MAP3K21: variants seen among roughly 807,000 people sequenced by gnomAD.
MAP3K21 encodes the protein mitogen-activated protein kinase kinase kinase MLK4.
MAP3K21 carries 63 observed loss-of-function variants against 86.1 expected under a neutral mutation model. The observed-to-expected ratio is 0.73, with a 90% confidence interval of 0.60 to 0.90. The LOEUF (loss-of-function observed/expected upper bound fraction) is 0.90, where lower values mean the gene tolerates loss of function less well. MAP3K21 is among the 40% of genes least tolerant of loss of function. MAP3K21 has a pLI of 0.00. For missense variants in MAP3K21, 1,220 were observed against 1,367.7 expected, an observed-to-expected ratio of 0.89 and a Z score of 1.70; for synonymous variants, 558 against 564.8, an observed-to-expected ratio of 0.99 and a Z score of 0.17.
intron 5 of MAP3K21, among the ~76,000 whole-genome samples, chr1:233,366,328 A>G (rs1372522388): frequency 6.6e-6 from 1 of 152,196 alleles, no homozygotes. Context: ...TATTTTCAAA[A>G]AGCCAGAAGA....
intron 1 of MAP3K21, among the ~76,000 whole-genome samples, chr1:233,343,678 G>A (rs1433674268): frequency 3.3e-5 from 5 of 152,194 alleles, no homozygotes; most frequent in Admixed American, 2.6e-4. Flanking sequence ...GACTGCTTGA[G>A]CTTCACTGCT....
chr1:233,346,660 T>A lies in MAP3K21; in HGVS notation c.986+38T>A, dbSNP rs375516035. 4.9e-5 allele frequency: 77 copies of A among 1,567,020 alleles called. No individual in the cohort carries two copies. The African/African-American group carries it at 9.8e-4, about 20-fold the overall frequency. On this transcript the variant is annotated intron_variant, in intron 2 of 9. Transcript: ENST00000366624. ...TTTTGCAAACATCGGCAGAAACTGC[T>A]TGCTATGCTTTATTTCAGTAAGTCC...
chr1:233,361,975 T>A, intron 4 of MAP3K21, 78 bp from the exon 5 acceptor site: 1 of 1,509,484 alleles, frequency 6.6e-7, no homozygotes, highest in Non-Finnish European at 8.9e-7. Context: ...GGCCGAGGGG[T>A]CGCCAGTGTA....
chr1:233,344,856 G>A (rs61826110), intron 1 of MAP3K21, among the ~76,000 whole-genome samples: 2 of 151,998 alleles, frequency 1.3e-5, no homozygotes, highest in African/African-American at 4.8e-5. Flanking sequence ...AATATCCAGA[G>A]TCTACAAAGA....
intron 1 of MAP3K21, among the ~76,000 whole-genome samples, chr1:233,332,363 G>T (rs1241532925): frequency 6.6e-6 from 1 of 152,020 alleles, no homozygotes; most frequent in Non-Finnish European, 1.5e-5. Context: ...AAGGCACTCC[G>T]AGGAAGGACC....
At chr1:233,339,465 C>CTTCTCCTCCTCCTTCTCCTCCTCG in intron 1 of MAP3K21, among the ~76,000 whole-genome samples, 1 of 100,198 alleles carries the variant, frequency 1.0e-5, no homozygotes, top group African/African-American at 4.3e-5. Flanking sequence ...TCTCCTCCTC[C>CTTCTCCTCCTCCTTCTCCTCCTCG]TTCTCCTTCT....
intron 5 of MAP3K21, among the ~76,000 whole-genome samples, chr1:233,363,193 T>C (rs1663498602): frequency 6.6e-6 from 1 of 152,004 alleles, no homozygotes; most frequent in African/African-American, 2.4e-5. Flanking sequence ...ATATGTATTA[T>C]ATATTAGAGT....
At chr1:233,338,832 C>G (rs898916319) in intron 1 of MAP3K21, among the ~76,000 whole-genome samples, 2 of 152,128 alleles carry the variant, frequency 1.3e-5, no homozygotes. Context: ...TACATATTAA[C>G]AGGACTATAC....
intron 2 of MAP3K21, among the ~76,000 whole-genome samples, chr1:233,351,471 T>A (rs948735946): frequency 6.6e-6 from 1 of 152,078 alleles, no homozygotes; most frequent in Non-Finnish European, 1.5e-5. Context: ...GGTAGGTGGA[T>A]CACAAGGTCA....
rs575863792 is a variant in MAP3K21, at chr1:233,355,795, T to C, written c.1311+784T>C. On this transcript the variant is annotated intron_variant, in intron 4 of 9. Transcript: ENST00000366624. ...GACCATCAGTGGCAATTTTCTGCCC[T>C]AATCCCTGCCAACCTCACTCATCAC... Among the ~76,000 whole-genome samples, 5 of 152,288 alleles carry C rather than the reference T, an allele frequency of 3.3e-5. No homozygotes were observed. The South Asian group carries it at 1.0e-3, about 32-fold the overall frequency.
At chr1:233,353,644 G>A (rs1402522890) in intron 2 of MAP3K21, among the ~76,000 whole-genome samples, 163 bp from the exon 3 acceptor site, 2 of 152,216 alleles carry the variant, frequency 1.3e-5, no homozygotes. Context: ...TTGATGGGAA[G>A]AATCCACCTC....
intron 4 of MAP3K21, among the ~76,000 whole-genome samples, chr1:233,357,339 C>T (rs1025332725): frequency 1.3e-5 from 2 of 150,632 alleles, no homozygotes; most frequent in Admixed American, 6.6e-5. Flanking sequence ...ACCAACAGGG[C>T]GCATGTATAC....
Position 233,379,472 on chromosome 1 carries a change from G to T in MAP3K21, c.2466G>T (p.Val822=), listed in dbSNP as rs2102768876. ...LLQMDSEDPL[V]DSAPVTCDSE... is the part of the protein sequence containing the mutation. ...AGATGGACAGTGAAGATCCACTGGT[G>T]GACAGTGCACCTGTCACTTGTGACT... is the stretch of plus-strand genomic sequence containing the variant. The change falls in exon 9 of 10, where the codon GTG becomes GTT. Residue 822 remains valine (V), a synonymous_variant. Coordinates refer to ENST00000366624, the MANE Select transcript of MAP3K21 (RefSeq NM_032435.3). The T allele has an allele frequency of 1.2e-6, 2 of 1,614,196 alleles. No individual in the cohort carries two copies. Among genetic ancestry groups the T allele is most frequent in the East Asian group, 2.2e-5 (1 of 44,876 alleles).
At chr1:233,347,055 T>G (rs1341864653) in intron 2 of MAP3K21, among the ~76,000 whole-genome samples, 1 of 152,086 alleles carries the variant, frequency 6.6e-6, no homozygotes, top group Non-Finnish European at 1.5e-5. Flanking sequence ...TGTGTGTGTG[T>G]GTGTAGAGGA....
chr1:233,354,887 A>G lies in MAP3K21; in HGVS notation c.1187A>G (p.Glu396Gly), dbSNP rs377180118. The part of the protein sequence containing the change: ...HIRPSFALIL[E>G]QLTAIEGAVM... ...CGTCCATCGTTTGCCTTAATTCTCGAACAGTTGACTGCTATTGAAGGGGCA... is the reference window on the plus strand; with the variant it reads ...CGTCCATCGTTTGCCTTAATTCTCGGACAGTTGACTGCTATTGAAGGGGCA... Residue 396 changes from glutamate to glycine, a missense_variant, in exon 4 of 10, where the codon GAA becomes GGA. Around this residue, in one of 5 missense-constraint regions of MAP3K21, gnomAD observed 126 missense variants for 127.7 expected, o/e 0.99. Transcript: ENST00000366624. 1 of 1,614,114 alleles carries G rather than the reference A, an allele frequency of 6.2e-7. No homozygotes were observed. The highest frequency in any genetic ancestry group is 8.5e-7 in the Non-Finnish European group (1 of 1,179,976).
At chr1:233,331,564 T>C (rs1282477633) in intron 1 of MAP3K21, among the ~76,000 whole-genome samples, 3 of 152,236 alleles carry the variant, frequency 2.0e-5, no homozygotes, top group Non-Finnish European at 2.9e-5. Flanking sequence ...TATTTGCTAA[T>C]GGTGGTAGTG....
chr1:233,377,789 A>C (rs1663827457), intron 8 of MAP3K21, among the ~76,000 whole-genome samples: 1 of 152,178 alleles, frequency 6.6e-6, no homozygotes, highest in Admixed American at 6.5e-5. Context: ...ATGTAGAATC[A>C]GTGGGAGCCC....
intron 5 of MAP3K21, among the ~76,000 whole-genome samples, chr1:233,362,770 G>A (rs1162948405): frequency 6.6e-6 from 1 of 151,938 alleles, no homozygotes; most frequent in Non-Finnish European, 1.5e-5. Context: ...AGTACCCTGA[G>A]GTACTTTCCC....
intron 6 of MAP3K21, among the ~76,000 whole-genome samples, chr1:233,374,682 A>G (rs1372974218): frequency 6.6e-6 from 1 of 152,008 alleles, no homozygotes; most frequent in Admixed American, 6.6e-5. Flanking sequence ...ATCTGTGTTT[A>G]GTAACTTCTC....
Sources: allele counts gnomAD v4.1 joint callset (sites outside exome capture counted in the v4.1 genomes callset), GRCh38; gene constraint gnomAD v4.1.1; regional missense constraint gnomAD v4.1.1; transcripts MANE v1.5; gene names NCBI Gene and HGNC (gene_info 2026-07-23, HGNC 2026-07-21).